Variants in DPP10 observed in about 807,000 individuals in gnomAD.
The protein encoded by DPP10 is dipeptidyl peptidase like 10, also known as inactive dipeptidyl peptidase 10.
A neutral mutation model predicts 120.9 loss-of-function variants in DPP10; 33 were observed. That is an observed-to-expected ratio of 0.27 (90% CI 0.21 to 0.37). DPP10 has a LOEUF of 0.37. Among genes scored for constraint, DPP10 ranks in the 10% least tolerant of loss-of-function variants. The pLI is 1.00. For synonymous variants in DPP10, 337 were observed against 326.1 expected (o/e 1.03, Z -0.36); for missense variants, 816 against 942.8 (o/e 0.87, Z 1.76).
chr2:115,407,641 T>G (rs1378197037), intron 3 of DPP10, among the ~76,000 whole-genome samples: 2 of 151,848 alleles, frequency 1.3e-5, no homozygotes, highest in African/African-American at 4.8e-5. Flanking sequence ...TTTACGGGTG[T>G]GTACATGGAG....
chr2:115,351,695 T>C (rs2064046914), intron 3 of DPP10, among the ~76,000 whole-genome samples: 1 of 152,084 alleles, frequency 6.6e-6, no homozygotes, highest in African/African-American at 2.4e-5. Flanking sequence ...TGACAAAGTA[T>C]CTTCCTATCA....
chr2:115,391,771 C>T (rs2067332967), intron 3 of DPP10, among the ~76,000 whole-genome samples: 1 of 152,038 alleles, frequency 6.6e-6, no homozygotes, highest in Admixed American at 6.6e-5. Flanking sequence ...TATCCCATTT[C>T]TCCAAATCAA....
At chr2:115,007,677 C>G (rs1411996000) in intron 1 of DPP10, among the ~76,000 whole-genome samples, 1 of 151,644 alleles carries the variant, frequency 6.6e-6, no homozygotes, top group Non-Finnish European at 1.5e-5. Flanking sequence ...TCTAGAAAAC[C>G]CCATTGTCTC....
intron 10 of DPP10, among the ~76,000 whole-genome samples, chr2:115,751,693 C>A (rs1057062602): frequency 7.9e-5 from 12 of 152,014 alleles, no homozygotes; most frequent in Non-Finnish European, 1.8e-4. Flanking sequence ...GTATATCTAA[C>A]CCAGATACCT....
chr2:115,841,843 T>G (rs1690181792), intron 25 of DPP10, among the ~76,000 whole-genome samples: 1 of 152,094 alleles, frequency 6.6e-6, no homozygotes, highest in African/African-American at 2.4e-5. Context: ...GCTCTTTAAA[T>G]AAAGAGCTGG....
intron 1 of DPP10, among the ~76,000 whole-genome samples, chr2:114,711,749 GTTTTGTTCTTTTTTATATT>G (rs1363157560): frequency 8.5e-5 from 13 of 152,112 alleles, no homozygotes; most frequent in African/African-American, 3.1e-4. Flanking sequence ...AGAGAGAACT[GTTTTGTTCTTTTTTATATT>G]TTAAATGAAA....
chr2:114,500,619 G>A (rs1015017872), intron 1 of DPP10, among the ~76,000 whole-genome samples: 2 of 152,148 alleles, frequency 1.3e-5, no homozygotes, highest in Admixed American at 6.5e-5. Flanking sequence ...GATGACAGGG[G>A]CCTTAAGAGC....
At chr2:114,874,829 G>T (rs766514196) in intron 1 of DPP10, among the ~76,000 whole-genome samples, 6 of 152,170 alleles carry the variant, frequency 3.9e-5, no homozygotes, top group Non-Finnish European at 5.9e-5. Context: ...ATTGTAACTT[G>T]TGTCTAAAGC....
intron 1 of DPP10, among the ~76,000 whole-genome samples, chr2:114,750,808 C>A (rs572705000): frequency 6.6e-6 from 1 of 152,138 alleles, no homozygotes; most frequent in African/African-American, 2.4e-5. Flanking sequence ...TAACAGGATT[C>A]GTCTCTCACA....
chr2:115,045,912 T>G (rs1340987242), intron 1 of DPP10, among the ~76,000 whole-genome samples: 1 of 152,190 alleles, frequency 6.6e-6, no homozygotes, highest in Non-Finnish European at 1.5e-5. Context: ...ATAGGGGTTT[T>G]GTTTGATTCC....
chr2:115,486,222 A>T (rs1260078309), intron 3 of DPP10, among the ~76,000 whole-genome samples: 2 of 134,534 alleles, frequency 1.5e-5, no homozygotes, highest in African/African-American at 5.0e-5. Context: ...ATGACTACAG[A>T]AATATTTTCA....
chr2:114,857,219 A>G (rs1410407756), intron 1 of DPP10, among the ~76,000 whole-genome samples: 2 of 152,220 alleles, frequency 1.3e-5, no homozygotes, highest in African/African-American at 4.8e-5. Context: ...TAAAAGATCA[A>G]GCTATAAACT....
chr2:114,820,802 C>T (rs9308702), intron 1 of DPP10, among the ~76,000 whole-genome samples: 18,487 of 152,200 alleles, frequency 0.12, 1,151 homozygotes, highest in African/African-American at 0.15. Context: ...GGAACTACAA[C>T]TGGCGATGAG....
chr2:114,695,628 T>C (rs1318990386), intron 1 of DPP10, among the ~76,000 whole-genome samples: 2 of 152,090 alleles, frequency 1.3e-5, no homozygotes, highest in African/African-American at 2.4e-5. Flanking sequence ...CACTAAGAAA[T>C]AGAAGAATAA....
chr2:115,604,278 A>G (rs1020727522), intron 5 of DPP10, among the ~76,000 whole-genome samples: 4 of 152,058 alleles, frequency 2.6e-5, no homozygotes, highest in African/African-American at 9.7e-5. Context: ...GAGTTTTTCT[A>G]TTCTCTAGTC....
rs1039821101 is a variant in DPP10, at chr2:115,499,131, C to A, written c.272-379C>A. On this transcript the variant is annotated intron_variant, in intron 3 of 25. Transcript: ENST00000410059. ...AACTGTTAGAGTTACAGTCAACTGG[C>A]AGCACTTTTAAGTTAAAATACTGGA... Among the ~76,000 whole-genome samples the A allele has an allele frequency of 5.3e-5, 8 of 152,038 alleles. No individual in the cohort carries two copies. In the East Asian group the frequency reaches 1.2e-3, roughly 22 times the overall value.
intron 5 of DPP10, chr2:115,579,300 C>G (rs1258916343): frequency 1.3e-5 from 2 of 152,126 alleles, no homozygotes; most frequent in Non-Finnish European, 2.9e-5. Flanking sequence ...GACAACTGCC[C>G]CTACAAAGCA....
chr2:115,116,120 T>C (rs550097073), intron 1 of DPP10, among the ~76,000 whole-genome samples: 8 of 151,948 alleles, frequency 5.3e-5, no homozygotes, highest in African/African-American at 1.9e-4. Context: ...GGTACTTAAA[T>C]AGACACAATG....
At chr2:114,523,865 C>T (rs1229400285) in intron 1 of DPP10, among the ~76,000 whole-genome samples, 1 of 152,158 alleles carries the variant, frequency 6.6e-6, no homozygotes, top group East Asian at 1.9e-4. Flanking sequence ...TGATCCATCT[C>T]ACAAGAGATG....
Sources: allele counts gnomAD v4.1 joint callset (sites outside exome capture counted in the v4.1 genomes callset), GRCh38; gene constraint gnomAD v4.1.1; transcripts MANE v1.5; gene names NCBI Gene and HGNC (gene_info 2026-07-23, HGNC 2026-07-21).